PTPRZ1: variants seen among roughly 807,000 people sequenced by gnomAD.
PTPRZ1 encodes protein tyrosine phosphatase receptor type Z1, also known as receptor-type tyrosine-protein phosphatase zeta.
A neutral mutation model predicts 214.1 loss-of-function variants in PTPRZ1; 82 were observed. The observed-to-expected ratio is 0.38, with a 90% CI of 0.32 to 0.46. The LOEUF is 0.46. Among genes scored for constraint, PTPRZ1 ranks in the 20% least tolerant of loss-of-function variants. PTPRZ1 has a pLI of 1.00. For synonymous variants in PTPRZ1, 945 were observed against 987.9 expected, an observed-to-expected ratio of 0.96 and a Z score of 0.81; for missense variants, 2,603 against 2,748.7, an observed-to-expected ratio of 0.95 and a Z score of 1.19.
chr7:121,901,280 C>G (rs1267000660), intron 1 of PTPRZ1, among the ~76,000 whole-genome samples: 1 of 151,866 alleles, frequency 6.6e-6, no homozygotes, highest in East Asian at 1.9e-4. Context: ...GAAAACAGAG[C>G]TAAAAATAGG....
intron 15 of PTPRZ1, among the ~76,000 whole-genome samples, chr7:122,033,230 T>A (rs1799434798): frequency 6.6e-6 from 1 of 152,050 alleles, no homozygotes; most frequent in South Asian, 2.1e-4. Flanking sequence ...TTATACCTTT[T>A]AAGTGGTTCT....
intron 27 of PTPRZ1, among the ~76,000 whole-genome samples, chr7:122,057,966 G>A (rs1388482584): frequency 1.5e-4 from 22 of 145,618 alleles, no homozygotes; most frequent in African/African-American, 5.1e-4. Flanking sequence ...GTGTGTGTGT[G>A]TGTATATATA....
intron 10 of PTPRZ1, among the ~76,000 whole-genome samples, chr7:122,003,156 C>G (rs1280771602): frequency 6.6e-6 from 1 of 152,044 alleles, no homozygotes; most frequent in African/African-American, 2.4e-5. Flanking sequence ...GCATGAAGAA[C>G]AGACAGTGAG....
chr7:121,922,591 TC>T (rs1221124806), intron 1 of PTPRZ1, among the ~76,000 whole-genome samples: 2 of 152,112 alleles, frequency 1.3e-5, no homozygotes, highest in African/African-American at 4.8e-5. Context: ...AAAAGTTGAT[TC>T]TTTTCTTAAA....
Position 122,059,872 on chromosome 7 carries a change from G to A in PTPRZ1, c.6791G>A (p.Gly2264Glu). 1 of 1,610,330 alleles carries A rather than the reference G, an allele frequency of 6.2e-7. No homozygotes were observed. Among genetic ancestry groups the A allele is most frequent in the Non-Finnish European group, 8.5e-7 (1 of 1,178,862 alleles). ...VAKMINLMRP[G>E]VFADIEQYQF... ...AAGATGATCAATCTGATGAGGCCAG[G>A]AGTCTTTGCTGACATTGTAAGTAAC... The change falls in exon 29 of 30, where the codon GGA becomes GAA. Residue 2264 changes from glycine to glutamate, a missense_variant. By Grantham distance (98) the Gly-to-Glu change is moderately conservative (BLOSUM62 -2). Around this residue, in one of 6 missense-constraint regions of PTPRZ1, gnomAD observed 165 missense variants for 151.4 expected, o/e 1.09. Transcript: ENST00000393386.
chr7:121,906,597 T>TCACCAAAC (rs1795123675), intron 1 of PTPRZ1, among the ~76,000 whole-genome samples: 5 of 152,184 alleles, frequency 3.3e-5, no homozygotes, highest in African/African-American at 1.2e-4. Flanking sequence ...TTGGTAGGTG[T>TCACCAAAC]CTGGCTGGCA....
intron 21 of PTPRZ1, 48 bp downstream of exon 21, chr7:122,041,027 G>A (rs374816887): frequency 2.9e-6 from 4 of 1,374,044 alleles, no homozygotes; most frequent in Non-Finnish European, 3.8e-6. Context: ...GCTTATACTT[G>A]CAAAAAGGAA....
At chr7:121,923,876 G>T (rs1795674913) in intron 1 of PTPRZ1, among the ~76,000 whole-genome samples, 1 of 151,832 alleles carries the variant, frequency 6.6e-6, no homozygotes, top group Admixed American at 6.6e-5. Flanking sequence ...ATACCTGTTT[G>T]CATATTTGTA....
In PTPRZ1 at chr7:122,010,949, A is replaced by G. The variant is rs767880510; in HGVS notation, c.1903A>G (p.Thr635Ala). The G allele has an allele frequency of 4.3e-6, 7 of 1,614,180 alleles. No homozygotes were observed. Among genetic ancestry groups the G allele is most frequent in the Non-Finnish European group, 5.9e-6 (7 of 1,180,028 alleles). The change falls in exon 12 of 30, where the codon ACT becomes GCT. Residue 635 changes from threonine to alanine, a missense_variant. Coordinates refer to ENST00000393386, the MANE Select transcript of PTPRZ1 (RefSeq NM_002851.3). ...ESARNASEDS[T>A]SSGSEESLKD... ...TGCTAGAAATGCTTCCGAAGATTCAACTTCATCAGGTTCAGAAGAATCACT... is the reference window on the plus strand; with the variant it reads ...TGCTAGAAATGCTTCCGAAGATTCAGCTTCATCAGGTTCAGAAGAATCACT...
intron 25 of PTPRZ1, 36 bp from the exon 26 acceptor site, chr7:122,053,874 G>A (rs760067980): frequency 2.3e-5 from 37 of 1,608,318 alleles, no homozygotes; most frequent in Non-Finnish European, 3.1e-5. Context: ...AAAGGCATAC[G>A]CCAGTGCTGT....
chr7:121,924,306 A>G (rs973920198), intron 1 of PTPRZ1, among the ~76,000 whole-genome samples: 7 of 152,324 alleles, frequency 4.6e-5, no homozygotes, highest in African/African-American at 1.7e-4. Context: ...TTTTCAAAGT[A>G]TATAATGCAA....
chr7:121,986,110 C>T (rs74624471), intron 8 of PTPRZ1, among the ~76,000 whole-genome samples: 5,645 of 152,134 alleles, frequency 0.037, 139 homozygotes, highest in Non-Finnish European at 0.059. Context: ...GTGTTAAAGG[C>T]CCAAAGTAAT....
chr7:122,049,012 G>A (rs1157494870), intron 23 of PTPRZ1, among the ~76,000 whole-genome samples: 2 of 151,980 alleles, frequency 1.3e-5, no homozygotes, highest in Non-Finnish European at 2.9e-5. Context: ...TGAGCAAGTA[G>A]AGTTTATAGG....
chr7:121,977,282 TA>T (rs1468090696), intron 6 of PTPRZ1, among the ~76,000 whole-genome samples: 1 of 152,212 alleles, frequency 6.6e-6, no homozygotes, highest in Non-Finnish European at 1.5e-5. Flanking sequence ...GTTTCCTTGA[TA>T]AATCCTTTGC....
intron 3 of PTPRZ1, among the ~76,000 whole-genome samples, chr7:121,969,909 G>T (rs975855192): frequency 6.6e-6 from 1 of 151,010 alleles, no homozygotes; most frequent in Non-Finnish European, 1.5e-5. Context: ...CCATTAACTT[G>T]TCATTTACAT....
At chr7:121,951,398 T>C (rs1796537166) in intron 2 of PTPRZ1, among the ~76,000 whole-genome samples, 1 of 152,206 alleles carries the variant, frequency 6.6e-6, no homozygotes, top group East Asian at 1.9e-4. Context: ...GAGTGATTTA[T>C]TTGAAGAAAT....
intron 2 of PTPRZ1, among the ~76,000 whole-genome samples, chr7:121,963,545 G>C (rs905132521): frequency 6.6e-6 from 1 of 152,124 alleles, no homozygotes; most frequent in Non-Finnish European, 1.5e-5. Context: ...TGGTGCACAT[G>C]TGCAGTAACT....
chr7:122,012,116 G>C lies in PTPRZ1; in HGVS notation c.3070G>C (p.Val1024Leu), dbSNP rs74821923. The C allele has an allele frequency of 0.014, 22,976 of 1,613,856 alleles. 207 individuals are homozygous for C. The highest frequency in any genetic ancestry group is 0.017 in the Non-Finnish European group (20,580 of 1,179,766). Residue 1024 changes from valine (V) to leucine (L), a missense_variant, in exon 12 of 30, where the codon GTA becomes CTA. Transcript: ENST00000393386. ...TALNISSPVS[V>L]AEFTYTTSVF... ...CCTTAACATTTCTTCACCTGTTTCT[G>C]TAGCTGAATTTACATATACAACATC...
Position 122,038,875 on chromosome 7 carries a change from G to A in PTPRZ1, c.5488G>A (p.Val1830Met), listed in dbSNP as rs150233853. The change falls in exon 19 of 30, where the codon GTG (valine) becomes ATG (methionine). Residue 1830 changes from valine to methionine, a missense_variant. This residue lies in a region of PTPRZ1 where 1,913 missense variants were observed against 1,914.3 expected (regional missense o/e 1.00). Coordinates refer to ENST00000393386, the MANE Select transcript of PTPRZ1 (RefSeq NM_002851.3). ...VEVIVMITNL[V>M]EKGRRKCDQY... ...AGTTATTGTCATGATAACAAACCTC[G>A]TGGAGAAAGGAAGGGTATGTAGATA... 68 of 1,613,792 alleles carry A rather than the reference G, an allele frequency of 4.2e-5. 1 individual carries two copies. In the East Asian group the frequency reaches 5.6e-4, roughly 13 times the overall value.
Sources: gnomAD v4.1 joint callset for allele counts (sites outside exome capture counted in the v4.1 genomes callset) on GRCh38, gnomAD v4.1.1 for gene constraint, gnomAD v4.1.1 regional missense constraint, MANE v1.5 for transcripts, NCBI Gene and HGNC (gene_info 2026-07-23, HGNC 2026-07-21) for gene names.